The following GYG2 variants were observed in gnomAD, a reference collection of about 807,000 sequenced individuals.
The protein encoded by GYG2 is glycogenin-2.
A neutral mutation model predicts 29.4 loss-of-function variants in GYG2; 29 were observed. That is an observed-to-expected ratio of 0.99 (90% CI 0.74 to 1.35). The LOEUF (loss-of-function observed/expected upper bound fraction) is 1.35. Ranked by LOEUF, GYG2 falls within the 40% of genes most tolerant of loss-of-function variation. The probability of loss-of-function intolerance (pLI) is 0.00; values close to 1 mark genes in which losing one functional copy is unlikely to be tolerated. For synonymous variants in GYG2, 167 were observed against 172.3 expected (o/e 0.97, Z 0.24); for missense variants, 370 against 385.7 (o/e 0.96, Z 0.34).
At chrX:2,853,282 G>T in intron 3 of GYG2, among the ~76,000 whole-genome samples, 1 of 110,808 alleles carries the variant, frequency 9.0e-6, no homozygotes, top group Non-Finnish European at 1.9e-5. Flanking sequence ...GCGATCTCAG[G>T]TCAGTGCAAT....
At chrX:2,838,021 G>A (rs2087415012) in intron 2 of GYG2, among the ~76,000 whole-genome samples, 1 of 95,324 alleles carries the variant, frequency 1.0e-5, no homozygotes, top group Non-Finnish European at 2.1e-5. Flanking sequence ...GGGACTACAG[G>A]CATGTGCCAA....
intron 8 of GYG2, among the ~76,000 whole-genome samples, chrX:2,868,907 A>G (rs1264049291): frequency 9.0e-6 from 1 of 111,201 alleles, no homozygotes; most frequent in East Asian, 2.8e-4. Flanking sequence ...TTACGGTCAC[A>G]TTTTCCAAGA....
chrX:2,860,830 A>C (rs1282561334), intron 7 of GYG2, among the ~76,000 whole-genome samples: 1 of 110,510 alleles, frequency 9.0e-6, no homozygotes, highest in African/African-American at 3.3e-5. Flanking sequence ...TCTGGGTTCA[A>C]GCAATTCTCC....
chrX:2,843,669 G>A (rs1186008101), intron 3 of GYG2, among the ~76,000 whole-genome samples: 8 of 111,624 alleles, frequency 7.2e-5, no homozygotes, highest in South Asian at 7.6e-4. Context: ...TCGCTCTGTC[G>A]CCCAGGCTGG....
chrX:2,879,812 GTAGA>G (rs780930107), intron 10 of GYG2, among the ~76,000 whole-genome samples: 268 of 111,474 alleles, frequency 2.4e-3, no homozygotes, highest in African/African-American at 7.7e-3. Flanking sequence ...TTGATAGAAA[GTAGA>G]TAGGTAGGTA....
Position 2,881,367 on chromosome X carries a change from C to A in GYG2, c.*154C>A. On this transcript the variant is annotated 3_prime_UTR_variant, in exon 11 of 11. Transcript: ENST00000398806. Reference sequence around the variant, plus strand: ...CCATTTGAGTGCCTCACACAAAAAACGTAGAGTATAGAAATCCACCTTAAA... The same window carrying A: ...CCATTTGAGTGCCTCACACAAAAAAAGTAGAGTATAGAAATCCACCTTAAA... 2 of 470,242 alleles carry A rather than the reference C, an allele frequency of 4.3e-6. No homozygotes were observed. The highest frequency in any genetic ancestry group is 2.4e-5 in the African/African-American group (1 of 41,104). 38.8% of individuals were successfully genotyped at this position (470,242 alleles called of 1,213,427 possible).
intron 8 of GYG2, among the ~76,000 whole-genome samples, chrX:2,864,625 G>A (rs185182626): frequency 2.2e-3 from 245 of 111,456 alleles, no homozygotes; most frequent in Non-Finnish European, 2.3e-3. Context: ...TTCCGGTTGC[G>A]TAATTTTAAT....
chrX:2,861,886 C>T (rs184442368), intron 8 of GYG2, among the ~76,000 whole-genome samples, 164 bp downstream of exon 8: 53 of 111,610 alleles, frequency 4.7e-4, no homozygotes, highest in Admixed American at 1.1e-3. Context: ...TTTTGCATTA[C>T]GGCACACCGA....
At chrX:2,849,950 A>T (rs760382294) in intron 3 of GYG2, among the ~76,000 whole-genome samples, 53 of 110,471 alleles carry the variant, frequency 4.8e-4, no homozygotes, top group African/African-American at 1.7e-3. Flanking sequence ...TCTCATCTCT[A>T]CTAAAAAATT....
intron 8 of GYG2, 58 bp downstream of exon 8, chrX:2,861,780 G>A (rs941800135): frequency 1.5e-5 from 14 of 930,767 alleles, no homozygotes; most frequent in Non-Finnish European, 2.0e-5. Flanking sequence ...CAGTGAGAGA[G>A]CAGAGAGAGC....
intron 9 of GYG2, 56 bp downstream of exon 9, chrX:2,875,970 T>G (rs2088585029): frequency 1.5e-6 from 1 of 672,168 alleles, no homozygotes; most frequent in Admixed American, 2.5e-5. Flanking sequence ...CTTGTTATTT[T>G]CTCACAGGGT....
At chrX:2,855,773 A>C (rs886880508) in intron 5 of GYG2, among the ~76,000 whole-genome samples, 5 of 111,237 alleles carry the variant, frequency 4.5e-5, no homozygotes, top group African/African-American at 1.6e-4. Flanking sequence ...AAAAAATACA[A>C]AAATAAGCTG....
chrX:2,877,755 A>G, intron 10 of GYG2: 1 of 752,853 alleles, frequency 1.3e-6, no homozygotes, highest in South Asian at 6.8e-5. Flanking sequence ...CCTTCCTCTT[A>G]GAGATGTTTT....
At chrX:2,852,244 G>A (rs2087887871) in intron 3 of GYG2, among the ~76,000 whole-genome samples, 2 of 111,938 alleles carry the variant, frequency 1.8e-5, no homozygotes, top group South Asian at 7.5e-4. Flanking sequence ...GTGACAGAGT[G>A]AGACCCTGTA....
At chrX:2,854,869 C>A in intron 4 of GYG2, 124 bp from the exon 5 acceptor site, 1 of 734,544 alleles carries the variant, frequency 1.4e-6, no homozygotes, top group Non-Finnish European at 2.0e-6. Context: ...GAGGCGGAGG[C>A]CGCAGTGAGC....
Position 2,844,665 on chromosome X carries a change from TATGTGTATACGCACACGC to T in GYG2, c.149+1315_149+1332del, listed in dbSNP as rs2087603513. On this transcript the variant is annotated intron_variant, in intron 3 of 10. Transcript: ENST00000398806. Reference sequence around the variant, plus strand: ...ATGTGTATACGCACACGCATGCGTATATGTGTATACGCACACGCATGCGTATATGTGTATACGCACACG... The same window carrying T: ...ATGTGTATACGCACACGCATGCGTATATGCGTATATGTGTATACGCACACG... Among the ~76,000 whole-genome samples the T allele has an allele frequency of 4.1e-5, 2 of 48,618 alleles. 1 individual carries two copies. Among genetic ancestry groups the T allele is most frequent in the African/African-American group, 2.2e-4 (2 of 9,265 alleles). The allele number at this position is 48,618 out of a possible 115,157, so 42.2% of individuals were successfully genotyped here. A position where few individuals can be genotyped will look rare whatever the true frequency, so the allele number is the denominator to read the frequency against.
rs774555219 is a variant in GYG2 at position 2,879,587 on chromosome X, A to G, written c.1252-1465A>G. On this transcript the variant is annotated intron_variant, in intron 10 of 10. Transcript: ENST00000398806. The stretch of plus-strand genomic sequence containing the variant: ...GCTATCTATCTATTTTCTATCATCT[A>G]TCTCATCTATATATCCATTCATCCT... Among the ~76,000 whole-genome samples the G allele has an allele frequency of 1.1e-3, 120 of 112,422 alleles. 1 individual carries two copies. The highest frequency in any genetic ancestry group is 1.9e-3 in the African/African-American group (58 of 31,044).
intron 1 of GYG2, among the ~76,000 whole-genome samples, chrX:2,829,662 C>G (rs62582293): frequency 1.0e-5 from 1 of 99,634 alleles, no homozygotes; most frequent in Non-Finnish European, 2.0e-5. Context: ...AGGGGTGGTC[C>G]AGGGAGTGGA....
intron 10 of GYG2, 22 bp downstream of exon 10, chrX:2,877,329 T>C: frequency 8.3e-7 from 1 of 1,204,433 alleles, no homozygotes; most frequent in East Asian, 3.0e-5. Flanking sequence ...ATTCTTCCCC[T>C]TGCCCAAGGC....
Sources: gnomAD v4.1 joint callset for allele counts (sites outside exome capture counted in the v4.1 genomes callset) on GRCh38, gnomAD v4.1.1 for gene constraint, MANE v1.5 for transcripts, NCBI Gene and HGNC (gene_info 2026-07-23, HGNC 2026-07-21) for gene names.